Variants in SHROOM3 observed in about 807,000 individuals in gnomAD.
SHROOM3 encodes the protein protein Shroom3.
Under a neutral mutation model 138.6 loss-of-function variants are expected in SHROOM3, and 47 were observed. The ratio of observed to expected loss-of-function variants is 0.34; its 90% CI spans 0.27 to 0.43. SHROOM3 has a LOEUF of 0.43. SHROOM3 is among the 20% of genes least tolerant of loss of function. The pLI is 1.00. For missense variants in SHROOM3, 2,491 were observed against 2,596.5 expected, an observed-to-expected ratio of 0.96 and a Z score of 0.88; for synonymous variants, 1,062 against 1,063.3, an observed-to-expected ratio of 1.00 and a Z score of 0.02.
intron 3 of SHROOM3, among the ~76,000 whole-genome samples, chr4:76,711,854 T>C (rs1178353079): frequency 1.4e-5 from 2 of 147,308 alleles, no homozygotes; most frequent in African/African-American, 2.5e-5. Context: ...AAAAAAAAGA[T>C]TTAAAAGAAG....
intron 2 of SHROOM3, among the ~76,000 whole-genome samples, chr4:76,585,519 C>T (rs1256510775): frequency 2.0e-5 from 3 of 151,968 alleles, no homozygotes; most frequent in Non-Finnish European, 1.5e-5. Flanking sequence ...CATACAGCTG[C>T]GAAGGATTGC....
At chr4:76,572,636 T>A (rs1156950759) in intron 2 of SHROOM3, among the ~76,000 whole-genome samples, 1 of 152,248 alleles carries the variant, frequency 6.6e-6, no homozygotes, top group East Asian at 1.9e-4. Flanking sequence ...AATGTAAATA[T>A]CTGCATCTTG....
intron 2 of SHROOM3, among the ~76,000 whole-genome samples, chr4:76,577,871 C>T (rs769517140): frequency 2.0e-5 from 3 of 152,126 alleles, no homozygotes; most frequent in Non-Finnish European, 2.9e-5. Context: ...TTTCCATAAG[C>T]CCCAGGAAAT....
chr4:76,509,113 T>C (rs1732277232), intron 1 of SHROOM3, among the ~76,000 whole-genome samples: 1 of 152,218 alleles, frequency 6.6e-6, no homozygotes, highest in Admixed American at 6.5e-5. Context: ...GAGGGACACA[T>C]ACATTCAAAC....
chr4:76,648,353 A>G (rs982770335), intron 2 of SHROOM3, among the ~76,000 whole-genome samples: 1 of 152,162 alleles, frequency 6.6e-6, no homozygotes, highest in Non-Finnish European at 1.5e-5. Context: ...AGAAAAACAA[A>G]AAACCAATGC....
intron 2 of SHROOM3, among the ~76,000 whole-genome samples, chr4:76,695,041 T>C (rs956771342): frequency 6.6e-6 from 1 of 152,254 alleles, no homozygotes; most frequent in East Asian, 1.9e-4. Context: ...TTTATACCAA[T>C]AAGTGGAACT....
At chr4:76,455,117 T>C (rs1260463257) in intron 1 of SHROOM3, among the ~76,000 whole-genome samples, 1 of 152,166 alleles carries the variant, frequency 6.6e-6, no homozygotes, top group Non-Finnish European at 1.5e-5. Flanking sequence ...CCTTTCCAGT[T>C]TGGATGACTT....
At position 76,754,711 on chromosome 4, in the gene SHROOM3, C is replaced by T; in HGVS notation, c.4228C>T (p.His1410Tyr). ...PRGCEGDGPE[H>Y]GVEEGTRKRV... ...AGGCTGTGAGGGCGATGGCCCAGAG[C>T]ATGGGGTAGAAGAGGGAACGAGGAA... Residue 1410 changes from histidine to tyrosine, a missense_variant, in exon 7 of 11, where the codon CAT becomes TAT. Transcript: ENST00000296043. 5 of 1,614,214 alleles carry T rather than the reference C, an allele frequency of 3.1e-6. No homozygotes were observed. The highest frequency in any genetic ancestry group is 4.2e-6 in the Non-Finnish European group (5 of 1,180,036).
chr4:76,660,290 G>C (rs1363088016), intron 2 of SHROOM3, among the ~76,000 whole-genome samples: 1 of 152,092 alleles, frequency 6.6e-6, no homozygotes, highest in Non-Finnish European at 1.5e-5. Context: ...GTCCTCTCTA[G>C]AGGTCTCACT....
At chr4:76,487,744 C>A (rs1444931344) in intron 1 of SHROOM3, among the ~76,000 whole-genome samples, 1 of 152,172 alleles carries the variant, frequency 6.6e-6, no homozygotes, top group East Asian at 1.9e-4. Flanking sequence ...GGAACACAGA[C>A]AGTATTCACT....
rs148644806 is a variant in SHROOM3 at position 76,525,448 on chromosome 4, T to C, written c.169-30161T>C. Reference sequence around the variant, plus strand: ...GGGATTACAATTCAAAATGAGATTTTGGGTGGGGACACAGCCAAACCATAT... The same window carrying C: ...GGGATTACAATTCAAAATGAGATTTCGGGTGGGGACACAGCCAAACCATAT... On this transcript the variant is annotated intron_variant, in intron 1 of 10. Coordinates refer to ENST00000296043, the MANE Select transcript of SHROOM3 (RefSeq NM_020859.4). 9.0e-3 allele frequency among the ~76,000 whole-genome samples: 1,378 copies of C among 152,314 alleles called. 15 individuals are homozygous for C. The highest frequency in any genetic ancestry group is 0.032 in the African/African-American group (1,310 of 41,552).
chr4:76,765,165 T>A (rs1259629946), intron 9 of SHROOM3, among the ~76,000 whole-genome samples: 1 of 151,992 alleles, frequency 6.6e-6, no homozygotes, highest in East Asian at 1.9e-4. Context: ...AAATTTACAT[T>A]TAAAAAATAG....
rs1721227918 is a variant in SHROOM3, at chr4:76,740,888, G to C, written c.2715G>C (p.Arg905=). 1 of 1,525,262 alleles carries C rather than the reference G, an allele frequency of 6.6e-7. No homozygotes were observed. Among genetic ancestry groups the C allele is most frequent in the Admixed American group, 2.1e-5 (1 of 47,482 alleles). 94.5% of individuals were successfully genotyped at this position (1,525,262 alleles called of 1,614,324 possible). A position where few individuals can be genotyped will look rare whatever the true frequency, so the allele number is the denominator to read the frequency against. Reference sequence around the variant, plus strand: ...AGCCAGAGAGGGAGCCCGAGTGGCGGGACAGGCCCGGCTCGCCCGAATCGC... The same window carrying C: ...AGCCAGAGAGGGAGCCCGAGTGGCGCGACAGGCCCGGCTCGCCCGAATCGC... ...SSEPEREPEW[R]DRPGSPESPL... The change falls in exon 5 of 11, where the codon CGG becomes CGC. Residue 905 remains arginine, a synonymous_variant. Coordinates refer to ENST00000296043, the MANE Select transcript of SHROOM3 (RefSeq NM_020859.4). This position sits in a 1 kb window ranked among gnomAD's most constrained non-coding sequence, Gnocchi z 4.0.
chr4:76,597,360 C>T (rs752635535), intron 2 of SHROOM3, among the ~76,000 whole-genome samples: 22 of 151,990 alleles, frequency 1.4e-4, no homozygotes, highest in Admixed American at 1.3e-3. Context: ...ATGTGGCTAT[C>T]GGGGCAGGCC....
intron 2 of SHROOM3, among the ~76,000 whole-genome samples, chr4:76,694,571 A>C (rs1719666167): frequency 6.6e-6 from 1 of 152,242 alleles, no homozygotes; most frequent in Non-Finnish European, 1.5e-5. Flanking sequence ...AGACTGTGCA[A>C]GTAGAATGAC....
In SHROOM3 at chr4:76,754,759, C is replaced by T. The variant is rs1233343897; in HGVS notation, c.4276C>T (p.Pro1426Ser). Residue 1426 changes from proline (P) to serine (S), a missense_variant, in exon 7 of 11, where the codon CCA becomes TCA. Transcript: ENST00000296043. The part of the protein sequence containing the change: ...TRKRVSLPQW[P>S]PPSRAKWAHA... ...GAAGAGGGTCTCGCTGCCTCAGTGG[C>T]CACCTCCTTCTCGAGCAAAGTGGGC... 5 of 1,614,066 alleles carry T rather than the reference C, an allele frequency of 3.1e-6. No homozygotes were observed. Among genetic ancestry groups the T allele is most frequent in the Non-Finnish European group, 4.2e-6 (5 of 1,180,024 alleles).
intron 2 of SHROOM3, among the ~76,000 whole-genome samples, chr4:76,709,158 G>T (rs188344211): frequency 6.6e-6 from 1 of 152,218 alleles, no homozygotes; most frequent in Non-Finnish European, 1.5e-5. Context: ...CCAGATGGAC[G>T]GGGCTTATTC....
In SHROOM3 at chr4:76,766,762, A is replaced by AT. The variant is rs1722169131; in HGVS notation, c.5350-3860dup. Reference sequence around the variant, plus strand: ...TGCATTTTAAAATTCAAATTATCATATTTTAAGGGGCTCGTTAGGGCTTTT... The same window carrying AT: ...TGCATTTTAAAATTCAAATTATCATATTTTTAAGGGGCTCGTTAGGGCTTTT... On this transcript the variant is annotated intron_variant, in intron 9 of 10. Coordinates refer to ENST00000296043, the MANE Select transcript of SHROOM3 (RefSeq NM_020859.4). 2.0e-5 allele frequency among the ~76,000 whole-genome samples: 3 copies of AT among 152,126 alleles called. 1 individual carries two copies. Among genetic ancestry groups the AT allele is most frequent in the Admixed American group, 2.0e-4 (3 of 15,274 alleles).
chr4:76,579,196 T>C (rs772777407), intron 2 of SHROOM3, among the ~76,000 whole-genome samples: 7 of 146,256 alleles, frequency 4.8e-5, no homozygotes, highest in Non-Finnish European at 9.0e-5. Context: ...AGGCTGGGCG[T>C]GGTGGCTCAC....
Sources: allele counts gnomAD v4.1 joint callset (sites outside exome capture counted in the v4.1 genomes callset), GRCh38; gene constraint gnomAD v4.1.1; non-coding constraint Gnocchi (gnomAD v3.1); transcripts MANE v1.5; gene names NCBI Gene and HGNC (gene_info 2026-07-23, HGNC 2026-07-21).